Variants in CSNK1G3 observed in about 807,000 individuals in gnomAD.
CSNK1G3 encodes the protein casein kinase 1 gamma 3, also known as casein kinase I isoform gamma-3.
Under a neutral mutation model 64.3 loss-of-function variants are expected in CSNK1G3, and 23 were observed. The ratio of observed to expected loss-of-function variants is 0.36; its 90% CI spans 0.26 to 0.51. The LOEUF (loss-of-function observed/expected upper bound fraction) is 0.51, where lower values mean the gene tolerates loss of function less well. CSNK1G3 is among the 20% of genes least tolerant of loss of function. The pLI, the probability that CSNK1G3 is intolerant of heterozygous loss-of-function variation, is 0.96. For missense variants in CSNK1G3, 357 were observed against 510.5 expected, an observed-to-expected ratio of 0.70 and a Z score of 2.90; for synonymous variants, 158 against 162.2, an observed-to-expected ratio of 0.97 and a Z score of 0.20.
intron 4 of CSNK1G3, among the ~76,000 whole-genome samples, chr5:123,567,246 C>T (rs772281831): frequency 3.9e-5 from 6 of 152,142 alleles, no homozygotes; most frequent in South Asian, 2.1e-4. Flanking sequence ...GTGGGAGTTA[C>T]GATTCAAGAT....
intron 10 of CSNK1G3, among the ~76,000 whole-genome samples, 159 bp from the exon 11 acceptor site, chr5:123,594,880 C>T (rs1793131026): frequency 6.6e-6 from 1 of 152,034 alleles, no homozygotes; most frequent in Non-Finnish European, 1.5e-5. Context: ...AAAATCACTC[C>T]ACATTCTGTA....
chr5:123,544,283 A>G (rs1782177801), intron 1 of CSNK1G3, among the ~76,000 whole-genome samples: 1 of 151,974 alleles, frequency 6.6e-6, no homozygotes, highest in Non-Finnish European at 1.5e-5. Context: ...GTGTTTTCCT[A>G]CTTTTTCTAA....
intron 1 of CSNK1G3, among the ~76,000 whole-genome samples, chr5:123,537,495 G>A (rs980962930): frequency 6.6e-6 from 1 of 152,074 alleles, no homozygotes; most frequent in Non-Finnish European, 1.5e-5. Context: ...TGTTTTGGGT[G>A]ATGGTAAAAG....
chr5:123,547,734 A>G (rs888190669), intron 2 of CSNK1G3, among the ~76,000 whole-genome samples: 4 of 152,052 alleles, frequency 2.6e-5, no homozygotes, highest in Non-Finnish European at 4.4e-5. Context: ...ATTTAAATGT[A>G]TTATCTCTAT....
intron 6 of CSNK1G3, among the ~76,000 whole-genome samples, chr5:123,578,906 A>AT (rs1286298131): frequency 2.0e-5 from 3 of 152,026 alleles, no homozygotes; most frequent in Non-Finnish European, 4.4e-5. Flanking sequence ...TTCAGTATTC[A>AT]TATCAGAGAA....
At chr5:123,522,021 T>G (rs1450637037) in intron 1 of CSNK1G3, among the ~76,000 whole-genome samples, 2 of 152,230 alleles carry the variant, frequency 1.3e-5, no homozygotes, top group African/African-American at 2.4e-5. Flanking sequence ...TCCTTCTTTT[T>G]ACACTCTCAG....
intron 1 of CSNK1G3, among the ~76,000 whole-genome samples, chr5:123,538,975 T>G (rs1460545189): frequency 1.3e-5 from 2 of 152,150 alleles, no homozygotes; most frequent in African/African-American, 4.8e-5. Context: ...GTATTTGTAT[T>G]TAGGTTTATG....
chr5:123,595,106 C>A, intron 10 of CSNK1G3: 1 of 1,613,636 alleles, frequency 6.2e-7, no homozygotes. Context: ...GCTCACCTTG[C>A]AGCAGACAGA....
chr5:123,525,854 C>T (rs1031503305), intron 1 of CSNK1G3, among the ~76,000 whole-genome samples: 5 of 151,474 alleles, frequency 3.3e-5, no homozygotes, highest in Non-Finnish European at 5.9e-5. Context: ...AAAAATTAGT[C>T]GGGCGTGGTG....
chr5:123,612,764 C>A (rs1237234004), intron 12 of CSNK1G3, among the ~76,000 whole-genome samples: 1 of 152,112 alleles, frequency 6.6e-6, no homozygotes, highest in Non-Finnish European at 1.5e-5. Flanking sequence ...GCATGAGCCA[C>A]CCCTCCTGGC....
intron 9 of CSNK1G3, 150 bp downstream of exon 9, chr5:123,590,708 G>A (rs892718132): frequency 4.4e-6 from 2 of 450,726 alleles, no homozygotes; most frequent in Non-Finnish European, 3.7e-6. Context: ...AGGTAGTGCC[G>A]TACTAGTGTT....
chr5:123,550,735 A>C (rs1382096101), intron 2 of CSNK1G3, among the ~76,000 whole-genome samples: 9 of 152,314 alleles, frequency 5.9e-5, no homozygotes, highest in African/African-American at 2.2e-4. Flanking sequence ...TTTTTCTTTT[A>C]ATGGGATTCT....
At chr5:123,558,756 G>C (rs1785110033) in intron 4 of CSNK1G3, among the ~76,000 whole-genome samples, 1 of 152,122 alleles carries the variant, frequency 6.6e-6, no homozygotes, top group Non-Finnish European at 1.5e-5. Context: ...GGATTTAAAG[G>C]CTATTGGGAT....
chr5:123,519,240 G>C (rs1007853814), intron 1 of CSNK1G3, among the ~76,000 whole-genome samples: 2 of 147,392 alleles, frequency 1.4e-5, no homozygotes, highest in Non-Finnish European at 3.0e-5. Context: ...GTTTAGTAGA[G>C]ACGGGGTTTT....
chr5:123,559,924 T>C (rs1181164484), intron 4 of CSNK1G3, among the ~76,000 whole-genome samples: 1 of 152,148 alleles, frequency 6.6e-6, no homozygotes, highest in African/African-American at 2.4e-5. Flanking sequence ...TCCTATGGTA[T>C]GCTGAATTTC....
intron 12 of CSNK1G3, among the ~76,000 whole-genome samples, chr5:123,605,750 A>T (rs1442642493): frequency 1.3e-5 from 2 of 152,090 alleles, no homozygotes; most frequent in Non-Finnish European, 2.9e-5. Context: ...AGCAGATCTC[A>T]TCCCCCACAG....
At position 123,544,307 on chromosome 5, in the gene CSNK1G3, CT is replaced by C. The variant is rs1408185441; in HGVS notation, c.-247-1107del. 6.6e-5 allele frequency among the ~76,000 whole-genome samples: 10 copies of C among 152,298 alleles called. No individual in the cohort carries two copies. In the East Asian group the frequency reaches 1.9e-3, roughly 29 times the overall value. On this transcript the variant is annotated intron_variant, in intron 1 of 12. Coordinates refer to ENST00000345990, the Ensembl canonical transcript of CSNK1G3. The stretch of plus-strand genomic sequence containing the variant: ...TACTTTTTCTAATAAGCCTGCCTTT[CT>C]TTACCAACTGTCTTGGTAAATTCCC...
At chr5:123,544,120 A>C (rs1483560124) in intron 1 of CSNK1G3, among the ~76,000 whole-genome samples, 4 of 152,214 alleles carry the variant, frequency 2.6e-5, no homozygotes, top group Non-Finnish European at 5.9e-5. Flanking sequence ...CTGCTAATAG[A>C]AAAGTGCAGG....
chr5:123,579,865 G>T (rs1561563264), intron 6 of CSNK1G3, among the ~76,000 whole-genome samples: 2 of 151,888 alleles, frequency 1.3e-5, no homozygotes, highest in Non-Finnish European at 2.9e-5. Context: ...CAGTTTTCAT[G>T]TAAAACTCAG....
Sources: gnomAD v4.1 joint callset for allele counts (sites outside exome capture counted in the v4.1 genomes callset) on GRCh38, gnomAD v4.1.1 for gene constraint, MANE v1.5 for transcripts, NCBI Gene and HGNC (gene_info 2026-07-23, HGNC 2026-07-21) for gene names.